Variants in PARD3B observed in about 807,000 individuals in gnomAD.
PARD3B encodes partitioning defective 3 homolog B.
A neutral mutation model predicts 130.2 loss-of-function variants in PARD3B; 103 were observed. That is an observed-to-expected ratio of 0.79 (90% confidence interval 0.67 to 0.93). The LOEUF (loss-of-function observed/expected upper bound fraction) is 0.93, where lower values mean the gene tolerates loss of function less well. Among genes scored for constraint, PARD3B ranks in the 40% least tolerant of loss-of-function variants. PARD3B has a pLI of 0.00. For missense variants in PARD3B, 1,609 were observed against 1,499.2 expected, an observed-to-expected ratio of 1.07 and a Z score of -1.21; for synonymous variants, 583 against 553.2, an observed-to-expected ratio of 1.05 and a Z score of -0.76.
At chr2:205,075,039 A>G (rs562824606) in intron 4 of PARD3B, among the ~76,000 whole-genome samples, 2 of 152,234 alleles carry the variant, frequency 1.3e-5, no homozygotes. Flanking sequence ...GTACAATTTT[A>G]TAAATCAAAC....
intron 21 of PARD3B, among the ~76,000 whole-genome samples, chr2:205,517,883 T>A (rs987109748): frequency 6.6e-6 from 1 of 152,218 alleles, no homozygotes; most frequent in Non-Finnish European, 1.5e-5. Flanking sequence ...ATCCATCTAA[T>A]TGCAAGTTTT....
At chr2:205,424,034 A>G (rs1336254806) in intron 19 of PARD3B, among the ~76,000 whole-genome samples, 1 of 152,174 alleles carries the variant, frequency 6.6e-6, no homozygotes, top group African/African-American at 2.4e-5. Context: ...GGCCCATAAC[A>G]CAGATTTATC....
chr2:204,601,831 T>C (rs1032734682), intron 1 of PARD3B, among the ~76,000 whole-genome samples: 2 of 152,048 alleles, frequency 1.3e-5, no homozygotes, highest in Non-Finnish European at 1.5e-5. Flanking sequence ...ATTATTCAAA[T>C]AGGTAGTTTC....
chr2:204,616,467 A>G (rs1341473925), intron 1 of PARD3B, among the ~76,000 whole-genome samples: 2 of 152,118 alleles, frequency 1.3e-5, no homozygotes, highest in Non-Finnish European at 2.9e-5. Flanking sequence ...CACTGACAAC[A>G]CCAAATGCTA....
chr2:205,117,578 A>G (rs1363984266), intron 6 of PARD3B, among the ~76,000 whole-genome samples: 16 of 152,212 alleles, frequency 1.1e-4, no homozygotes, highest in Non-Finnish European at 1.5e-4. Context: ...TGACCCTGTT[A>G]TTTACACATA....
At chr2:204,586,392 C>T (rs892203522) in intron 1 of PARD3B, among the ~76,000 whole-genome samples, 2 of 152,076 alleles carry the variant, frequency 1.3e-5, no homozygotes, top group Non-Finnish European at 2.9e-5. Flanking sequence ...TGTCACTGAA[C>T]GGCTGTGAGA....
chr2:205,285,973 C>G (rs2041380842), intron 16 of PARD3B, among the ~76,000 whole-genome samples: 1 of 152,042 alleles, frequency 6.6e-6, no homozygotes, highest in Non-Finnish European at 1.5e-5. Flanking sequence ...TACACTGCAG[C>G]TTTGTGAATT....
At chr2:205,442,290 CTTTTT>C (rs71410814) in intron 20 of PARD3B, among the ~76,000 whole-genome samples, 6 of 105,990 alleles carry the variant, frequency 5.7e-5, no homozygotes, top group Admixed American at 9.9e-5. Context: ...ACAGGTTTTC[CTTTTT>C]TTTTTTTTTT....
intron 4 of PARD3B, among the ~76,000 whole-genome samples, chr2:205,065,796 A>G (rs1700335186): frequency 8.7e-6 from 1 of 114,476 alleles, no homozygotes; most frequent in Admixed American, 9.8e-5. Flanking sequence ...GTTGTGATGC[A>G]GCACAGAAGC....
intron 1 of PARD3B, among the ~76,000 whole-genome samples, chr2:204,549,479 A>G (rs1461822630): frequency 2.6e-5 from 4 of 152,312 alleles, no homozygotes; most frequent in Admixed American, 2.6e-4. Context: ...CCCTGGCTGA[A>G]CTTCAGTAAC....
At position 205,381,040 on chromosome 2, in the gene PARD3B, GA is replaced by G. The variant is rs1559035493; in HGVS notation, c.2631-19971del. ...ATATATATGATATATTATATATAAAGAATATATATTATATATAAAGAATATA... is the reference window on the plus strand; with the variant it reads ...ATATATATGATATATTATATATAAAGATATATATTATATATAAAGAATATA... On this transcript the variant is annotated intron_variant, in intron 18 of 22. Transcript: ENST00000406610. Among the ~76,000 whole-genome samples the G allele has an allele frequency of 1.0e-4, 5 of 49,502 alleles. No homozygotes were observed. The South Asian group carries it at 3.8e-3, about 38-fold the overall frequency. The allele number at this position is 49,502 out of a possible 152,430, so 32.5% of individuals were successfully genotyped here.
intron 20 of PARD3B, among the ~76,000 whole-genome samples, chr2:205,497,319 C>G (rs990646871): frequency 6.6e-6 from 1 of 151,618 alleles, no homozygotes; most frequent in East Asian, 1.9e-4. Flanking sequence ...GAACCCTGTG[C>G]GAACTGTCAG....
In PARD3B at chr2:205,244,768, G is replaced by A. The variant is rs898017171; in HGVS notation, c.2141-1010G>A. 6.6e-6 allele frequency among the ~76,000 whole-genome samples: 1 copy of A among 151,938 alleles called. No individual in the cohort carries two copies. Among genetic ancestry groups the A allele is most frequent in the African/African-American group, 2.4e-5 (1 of 41,360 alleles). On this transcript the variant is annotated intron_variant, in intron 15 of 22. Transcript: ENST00000406610. This position sits in a 1 kb window ranked among gnomAD's most constrained non-coding sequence, Gnocchi z 4.7. The stretch of plus-strand genomic sequence containing the variant: ...AATTGTGTCTTTTAAAAACGAATCC[G>A]TTTCATCAGAGCTCCATTAATCTAG...
At chr2:205,064,529 A>G (rs906252424) in intron 4 of PARD3B, among the ~76,000 whole-genome samples, 7 of 152,162 alleles carry the variant, frequency 4.6e-5, no homozygotes, top group African/African-American at 1.4e-4. Context: ...CTTTAAATCA[A>G]CCATGGCAAT....
chr2:205,387,655 G>T (rs189894375), intron 18 of PARD3B, among the ~76,000 whole-genome samples: 20 of 152,252 alleles, frequency 1.3e-4, no homozygotes, highest in African/African-American at 3.8e-4. Context: ...AAATACTGTG[G>T]GTTTCTACAG....
At chr2:205,346,151 G>A (rs995185714) in intron 18 of PARD3B, among the ~76,000 whole-genome samples, 7 of 141,470 alleles carry the variant, frequency 4.9e-5, no homozygotes, top group South Asian at 2.5e-4. Flanking sequence ...CAGCCTGAAC[G>A]ACACAGTGAG....
intron 22 of PARD3B, among the ~76,000 whole-genome samples, chr2:205,606,516 T>A (rs981345087): frequency 6.6e-6 from 1 of 152,026 alleles, no homozygotes; most frequent in African/African-American, 2.4e-5. Context: ...TTCTTCTCAG[T>A]GGGAGCCTCC....
intron 3 of PARD3B, among the ~76,000 whole-genome samples, chr2:204,998,821 C>T (rs765946729): frequency 5.9e-5 from 9 of 152,204 alleles, no homozygotes; most frequent in Non-Finnish European, 1.2e-4. Flanking sequence ...TCAAGTGATT[C>T]TCCTGCCTCA....
chr2:204,898,589 A>G (rs891843999), intron 2 of PARD3B, among the ~76,000 whole-genome samples: 10 of 152,096 alleles, frequency 6.6e-5, no homozygotes, highest in Admixed American at 4.6e-4. Context: ...AAGAGTGTGT[A>G]TTGTGCAGAC....
Sources: allele counts gnomAD v4.1 joint callset (sites outside exome capture counted in the v4.1 genomes callset), GRCh38; gene constraint gnomAD v4.1.1; non-coding constraint Gnocchi (gnomAD v3.1); transcripts MANE v1.5; gene names NCBI Gene and HGNC (gene_info 2026-07-23, HGNC 2026-07-21).